Variants in NCOA3 observed in about 807,000 individuals in gnomAD.
NCOA3 encodes the protein nuclear receptor coactivator 3.
NCOA3 carries 51 observed loss-of-function variants against 158.8 expected under a neutral mutation model. The observed-to-expected ratio is 0.32, with a 90% CI of 0.26 to 0.41. The LOEUF (loss-of-function observed/expected upper bound fraction) is 0.41, where lower values mean the gene tolerates loss of function less well. Ranked by LOEUF, NCOA3 falls within the 10% of genes least tolerant of loss-of-function variation. NCOA3 has a pLI of 1.00. For missense variants in NCOA3, 1,510 were observed against 1,746.6 expected, an observed-to-expected ratio of 0.86 and a Z score of 2.41; for synonymous variants, 537 against 592.4, an observed-to-expected ratio of 0.91 and a Z score of 1.36.
intron 1 of NCOA3, among the ~76,000 whole-genome samples, chr20:47,508,464 A>G (rs945588484): frequency 1.3e-5 from 2 of 152,222 alleles, no homozygotes; most frequent in South Asian, 2.1e-4. Context: ...GTATTGTGGT[A>G]TTGTTCCTCC....
intron 1 of NCOA3, among the ~76,000 whole-genome samples, chr20:47,568,739 T>C (rs1277167141): frequency 6.6e-6 from 1 of 151,620 alleles, no homozygotes; most frequent in Non-Finnish European, 1.5e-5. Flanking sequence ...GAAGCTGCAG[T>C]GAGCCAATAT....
intron 2 of NCOA3, among the ~76,000 whole-genome samples, chr20:47,612,721 G>A (rs973832230): frequency 2.0e-5 from 3 of 152,204 alleles, no homozygotes; most frequent in Non-Finnish European, 4.4e-5. Context: ...TAGATTCAGT[G>A]TATTAAATTG....
intron 1 of NCOA3, among the ~76,000 whole-genome samples, chr20:47,519,135 CAA>C (rs1175023080): frequency 1.7e-5 from 2 of 121,128 alleles, no homozygotes; most frequent in Admixed American, 9.0e-5. Flanking sequence ...GACTCCATCT[CAA>C]AAAAAAAAAA....
chr20:47,573,420 C>CAAACA (rs2085325110), intron 1 of NCOA3, among the ~76,000 whole-genome samples: 1 of 150,934 alleles, frequency 6.6e-6, no homozygotes, highest in Non-Finnish European at 1.5e-5. Flanking sequence ...AACAAACAAA[C>CAAACA]AAAAAAACAC....
In NCOA3 at chr20:47,656,822, G is replaced by A. The variant is rs754501609; in HGVS notation, c.*3405G>A. The A allele has an allele frequency of 6.7e-6, 1 of 150,228 alleles. No homozygotes were observed. The highest frequency in any genetic ancestry group is 1.5e-5 in the Non-Finnish European group (1 of 67,844). 9.3% of individuals were successfully genotyped at this position (150,228 alleles called of 1,614,324 possible). A position where few individuals can be genotyped will look rare whatever the true frequency, so the allele number is the denominator to read the frequency against. On this transcript the variant is annotated 3_prime_UTR_variant, in exon 23 of 23. Transcript: ENST00000371998. ...TTATGGGGGATGGTGAGCTGTGACT[G>A]CTTTGCTGACCATTTTGGATGTCAT...
At chr20:47,619,645 TAAA>T (rs76787208) in intron 2 of NCOA3, among the ~76,000 whole-genome samples, 4 of 121,490 alleles carry the variant, frequency 3.3e-5, no homozygotes. Context: ...ACCCTGTCTT[TAAA>T]AAAAAAAAAA....
chr20:47,537,483 C>T (rs1226663069), intron 1 of NCOA3, among the ~76,000 whole-genome samples: 2 of 151,870 alleles, frequency 1.3e-5, no homozygotes, highest in Non-Finnish European at 2.9e-5. Flanking sequence ...GCCATTGCAC[C>T]TGTTCTATTT....
chr20:47,625,677 GC>G (rs750128054), intron 5 of NCOA3, among the ~76,000 whole-genome samples, 196 bp downstream of exon 5: 1 of 151,932 alleles, frequency 6.6e-6, no homozygotes, highest in Non-Finnish European at 1.5e-5. Context: ...AGGAAGCCTT[GC>G]CCCCCTAGTA....
chr20:47,637,361 T>G (rs2086531622), intron 12 of NCOA3, among the ~76,000 whole-genome samples: 1 of 152,206 alleles, frequency 6.6e-6, no homozygotes, highest in African/African-American at 2.4e-5. Flanking sequence ...ATCAATGCAC[T>G]GCTAGTGACT....
Position 47,653,720 on chromosome 20 carries a change from C to CT in NCOA3, c.*307dup. 1 of 392,310 alleles carries CT rather than the reference C, an allele frequency of 2.5e-6. No individual in the cohort carries two copies. Among genetic ancestry groups the CT allele is most frequent in the East Asian group, 3.8e-5 (1 of 26,624 alleles). 24.3% of individuals were successfully genotyped at this position (392,310 alleles called of 1,614,324 possible). ...ACATGGAGTGTTACTGATCATAAAA[C>CT]TTTTGTGTCACTTTTTTCTGCCTTG... On this transcript the variant is annotated 3_prime_UTR_variant, in exon 23 of 23. Coordinates refer to ENST00000371998, the MANE Select transcript of NCOA3 (RefSeq NM_181659.3).
intron 5 of NCOA3, among the ~76,000 whole-genome samples, chr20:47,626,443 A>G (rs778319355): frequency 4.6e-5 from 7 of 152,224 alleles, no homozygotes; most frequent in Non-Finnish European, 1.0e-4. Context: ...ACATTAATTC[A>G]GATTTCATGC....
intron 1 of NCOA3, among the ~76,000 whole-genome samples, chr20:47,542,802 C>T (rs976921567): frequency 6.6e-6 from 1 of 152,056 alleles, no homozygotes; most frequent in African/African-American, 2.4e-5. Context: ...TCTATACAAA[C>T]AATACAAAAA....
At position 47,656,048 on chromosome 20, in the gene NCOA3, T is replaced by G. The variant is rs2146357737; in HGVS notation, c.*2631T>G. ...TCACACCCCAGCACCCCCCATTTTT[T>G]CAAACCTTGGTATCTGTTGGGTGAA... On this transcript the variant is annotated 3_prime_UTR_variant, in exon 23 of 23. Transcript: ENST00000371998. 1 of 151,766 alleles carries G rather than the reference T, an allele frequency of 6.6e-6. No individual in the cohort carries two copies. Among genetic ancestry groups the G allele is most frequent in the Admixed American group, 6.6e-5 (1 of 15,206 alleles). The allele number at this position is 151,766 out of a possible 1,614,324, so 9.4% of individuals were successfully genotyped here.
chr20:47,547,404 A>ATATTAT lies in NCOA3; in HGVS notation c.-98-35759_-98-35754dup, dbSNP rs200074877. Among the ~76,000 whole-genome samples the ATATTAT allele has an allele frequency of 2.3e-3, 338 of 146,594 alleles. 2 individuals carry two copies. Among genetic ancestry groups the ATATTAT allele is most frequent in the East Asian group, 0.02 (101 of 4,996 alleles). On this transcript the variant is annotated intron_variant, in intron 1 of 22. Coordinates refer to ENST00000371998, the MANE Select transcript of NCOA3 (RefSeq NM_181659.3). The stretch of plus-strand genomic sequence containing the variant: ...TTTTTGTTGATTTTATTTTATTTTT[A>ATATTAT]TATTATTATTATTATTATTATTATT...
In NCOA3 at chr20:47,596,729, G is replaced by T. The variant is rs570591631; in HGVS notation, c.-20+13468G>T. Among the ~76,000 whole-genome samples the T allele has an allele frequency of 8.5e-5, 13 of 152,156 alleles. No individual in the cohort carries two copies. The East Asian group carries it at 2.5e-3, about 29-fold the overall frequency. ...GCCTCTTGAGTAGCTGGGACTACAGGCGCTTGCCACCACACTTGACTAATT... is the reference window on the plus strand; with the variant it reads ...GCCTCTTGAGTAGCTGGGACTACAGTCGCTTGCCACCACACTTGACTAATT... On this transcript the variant is annotated intron_variant, in intron 2 of 22. Transcript: ENST00000371998.
chr20:47,547,825 C>T (rs998813897), intron 1 of NCOA3, among the ~76,000 whole-genome samples: 16 of 152,218 alleles, frequency 1.1e-4, no homozygotes, highest in South Asian at 4.2e-4. Flanking sequence ...AAGCGATTGT[C>T]GTGCCTTAGC....
At chr20:47,510,301 C>T (rs1410244292) in intron 1 of NCOA3, among the ~76,000 whole-genome samples, 3 of 151,570 alleles carry the variant, frequency 2.0e-5, no homozygotes, top group Non-Finnish European at 2.9e-5. Flanking sequence ...GGCATGGTGG[C>T]GGGTGCCTGT....
chr20:47,504,185 A>G (rs2083986935), intron 1 of NCOA3, among the ~76,000 whole-genome samples: 1 of 152,198 alleles, frequency 6.6e-6, no homozygotes, highest in Non-Finnish European at 1.5e-5. Context: ...GTGATATTAG[A>G]GCTAGGTTAT....
At chr20:47,644,664 A>G (rs2086660323) in intron 17 of NCOA3, among the ~76,000 whole-genome samples, 1 of 152,062 alleles carries the variant, frequency 6.6e-6, no homozygotes. Flanking sequence ...GTGGGGAACT[A>G]GCCCTAGCCC....
Sources: gnomAD v4.1 joint callset for allele counts (sites outside exome capture counted in the v4.1 genomes callset) on GRCh38, gnomAD v4.1.1 for gene constraint, MANE v1.5 for transcripts, NCBI Gene and HGNC (gene_info 2026-07-23, HGNC 2026-07-21) for gene names.